DPYSL2: variants seen among roughly 807,000 people sequenced by gnomAD.
The protein encoded by DPYSL2 is dihydropyrimidinase like 2.
A neutral mutation model predicts 69.9 loss-of-function variants in DPYSL2; 13 were observed. That is an observed-to-expected ratio of 0.19 (90% confidence interval 0.12 to 0.30). The LOEUF is 0.30. Ranked by LOEUF, DPYSL2 falls within the 10% of genes least tolerant of loss-of-function variation. The probability of loss-of-function intolerance (pLI) is 1.00; values close to 1 mark genes in which losing one functional copy is unlikely to be tolerated. For synonymous variants in DPYSL2, 326 were observed against 359.1 expected (o/e 0.91, Z 1.04); for missense variants, 587 against 918.9 (o/e 0.64, Z 4.67).
chr8:26,558,454 G>T (rs1332756972), intron 1 of DPYSL2, among the ~76,000 whole-genome samples: 1 of 152,162 alleles, frequency 6.6e-6, no homozygotes, highest in African/African-American at 2.4e-5. Flanking sequence ...AGCAATAGTA[G>T]GTAGAGCACA....
chr8:26,520,775 A>G lies in DPYSL2; in HGVS notation c.354+6096A>G, dbSNP rs1808372419. Among the ~76,000 whole-genome samples, 6 of 152,152 alleles carry G rather than the reference A, an allele frequency of 3.9e-5. No homozygotes were observed. In the South Asian group the frequency reaches 1.2e-3, roughly 31 times the overall value. The stretch of plus-strand genomic sequence containing the variant: ...CTTGAACAAGAAACATTTATTTCTC[A>G]TGGTTCTGGAGGTTGGGAAGTCTAA... On this transcript the variant is annotated intron_variant, in intron 1 of 13. Transcript: ENST00000521913.
Position 26,621,349 on chromosome 8 carries a change from A to G in DPYSL2, c.629-2794A>G, listed in dbSNP as rs1802478015. ...TGCTCATTCCCTTTGCTGGCCAGTG[A>G]AAGGAATGCATTTCCATAAGTGAGG... On this transcript the variant is annotated intron_variant, in intron 3 of 13. Coordinates refer to ENST00000521913, the MANE Select transcript of DPYSL2 (RefSeq NM_001197293.3). The surrounding 1 kb of genome is among the most constrained non-coding windows in gnomAD (Gnocchi z 4.9). Among the ~76,000 whole-genome samples, 1 of 152,178 alleles carries G rather than the reference A, an allele frequency of 6.6e-6. No homozygotes were observed. Among genetic ancestry groups the G allele is most frequent in the Admixed American group, 6.5e-5 (1 of 15,276 alleles).
chr8:26,546,921 CAAAAAAAAAAAAA>C (rs61360009), intron 1 of DPYSL2, among the ~76,000 whole-genome samples: 35 of 46,208 alleles, frequency 7.6e-4, no homozygotes, highest in African/African-American at 2.1e-3. Flanking sequence ...GACTCAGTCT[CAAAAAAAAAAAAA>C]AAAAAAAAAA....
chr8:26,539,745 T>G (rs1336541061), intron 1 of DPYSL2, among the ~76,000 whole-genome samples: 1 of 152,082 alleles, frequency 6.6e-6, no homozygotes, highest in Non-Finnish European at 1.5e-5. Context: ...CCATGGAAAC[T>G]ACACCACCAT....
At chr8:26,634,662 G>C in intron 7 of DPYSL2, 118 bp from the exon 8 acceptor site, 1 of 1,549,462 alleles carries the variant, frequency 6.5e-7, no homozygotes, top group Non-Finnish European at 8.8e-7. Context: ...CCCTGGGGTA[G>C]GACCTTGGAG....
intron 1 of DPYSL2, among the ~76,000 whole-genome samples, chr8:26,551,111 T>C (rs1280025741): frequency 6.6e-6 from 1 of 152,170 alleles, no homozygotes; most frequent in Non-Finnish European, 1.5e-5. Flanking sequence ...CCAATTATTC[T>C]AATCAAAAGC....
chr8:26,635,089 G>A (rs763852078), intron 8 of DPYSL2, among the ~76,000 whole-genome samples, 189 bp downstream of exon 8: 1 of 152,232 alleles, frequency 6.6e-6, no homozygotes, highest in Middle Eastern at 3.2e-3. Context: ...CCACTGCTGC[G>A]GCCTTGTTAG....
chr8:26,634,523 C>G (rs1434330386), intron 7 of DPYSL2, among the ~76,000 whole-genome samples: 1 of 148,438 alleles, frequency 6.7e-6, no homozygotes, highest in Non-Finnish European at 1.5e-5. Flanking sequence ...CTCAGGTAAT[C>G]CACCTGCCTC....
At chr8:26,613,057 C>T (rs182060220) in intron 3 of DPYSL2, among the ~76,000 whole-genome samples, 3 of 152,282 alleles carry the variant, frequency 2.0e-5, no homozygotes, top group East Asian at 1.9e-4. Flanking sequence ...TAAATGCAAA[C>T]GTGTAGGAAA....
At position 26,621,081 on chromosome 8, in the gene DPYSL2, C is replaced by G. The variant is rs575132880; in HGVS notation, c.629-3062C>G. Among the ~76,000 whole-genome samples, 2 of 152,114 alleles carry G rather than the reference C, an allele frequency of 1.3e-5. No individual in the cohort carries two copies. The highest frequency in any genetic ancestry group is 4.8e-5 in the African/African-American group (2 of 41,502). ...TACTCTTTCTGGTTTATCACATTTT[C>G]TTGTATTTTATGTATCTCTATAAAC... On this transcript the variant is annotated intron_variant, in intron 3 of 13. Transcript: ENST00000521913. The surrounding 1 kb of genome is among the most constrained non-coding windows in gnomAD (Gnocchi z 4.9).
chr8:26,602,827 G>A (rs955844679), intron 3 of DPYSL2, among the ~76,000 whole-genome samples: 2 of 152,212 alleles, frequency 1.3e-5, no homozygotes, highest in African/African-American at 2.4e-5. Context: ...GAAGATTGCT[G>A]TACTAAGGTT....
chr8:26,565,291 C>G lies in DPYSL2; in HGVS notation c.355-16678C>G, dbSNP rs368197934. Among the ~76,000 whole-genome samples, 1 of 152,134 alleles carries G rather than the reference C, an allele frequency of 6.6e-6. No homozygotes were observed. Among genetic ancestry groups the G allele is most frequent in the Non-Finnish European group, 1.5e-5 (1 of 68,036 alleles). ...TATCATGACTTCTTTTTGTCCCAAT[C>G]TTTAATGCAGTATGAGTGTTCTGTG... is the stretch of plus-strand genomic sequence containing the variant. On this transcript the variant is annotated intron_variant, in intron 1 of 13. Coordinates refer to ENST00000521913, the MANE Select transcript of DPYSL2 (RefSeq NM_001197293.3). The surrounding 1 kb of genome is among the most constrained non-coding windows in gnomAD (Gnocchi z 4.1).
chr8:26,646,540 C>A (rs542333053), intron 10 of DPYSL2, among the ~76,000 whole-genome samples: 4 of 152,180 alleles, frequency 2.6e-5, no homozygotes, highest in Non-Finnish European at 4.4e-5. Flanking sequence ...TGCTTAGTGG[C>A]CATTTGTACT....
chr8:26,592,489 T>A (rs973321373), intron 3 of DPYSL2, among the ~76,000 whole-genome samples: 3 of 125,438 alleles, frequency 2.4e-5, no homozygotes, highest in Non-Finnish European at 3.6e-5. Flanking sequence ...TTTTTTTTTT[T>A]ATTAAGACGG....
At position 26,565,252 on chromosome 8, in the gene DPYSL2, A is replaced by C. The variant is rs898242076; in HGVS notation, c.355-16717A>C. On this transcript the variant is annotated intron_variant, in intron 1 of 13. Transcript: ENST00000521913. The surrounding 1 kb of genome is among the most constrained non-coding windows in gnomAD (Gnocchi z 4.1). The stretch of plus-strand genomic sequence containing the variant: ...TGTGCTGCAATAAACATAGGAGTGC[A>C]GGTGTCTTTTTGATATCATGACTTC... Among the ~76,000 whole-genome samples the C allele has an allele frequency of 2.6e-5, 3 of 114,398 alleles. No homozygotes were observed. In the Admixed American group the frequency reaches 2.8e-4, roughly 11 times the overall value. The allele number at this position is 114,398 out of a possible 152,430, so 75.0% of individuals were successfully genotyped here. A position where few individuals can be genotyped will look rare whatever the true frequency, so the allele number is the denominator to read the frequency against.
In DPYSL2 at chr8:26,655,835, C is replaced by T. The variant is rs1456705878; in HGVS notation, c.*129C>T. 2 of 920,812 alleles carry T rather than the reference C, an allele frequency of 2.2e-6. No individual in the cohort carries two copies. Among genetic ancestry groups the T allele is most frequent in the Non-Finnish European group, 1.5e-6 (1 of 658,328 alleles). The allele number at this position is 920,812 out of a possible 1,614,324, so 57.0% of individuals were successfully genotyped here. On this transcript the variant is annotated 3_prime_UTR_variant, in exon 14 of 14. Coordinates refer to ENST00000521913, the MANE Select transcript of DPYSL2 (RefSeq NM_001197293.3). The stretch of plus-strand genomic sequence containing the variant: ...AGAGCCTGTGATAGTTACTGTGGAG[C>T]AGCCAGTTCATGGGGTCCCCCTTGG...
At chr8:26,583,580 C>A (rs1801534688) in intron 2 of DPYSL2, among the ~76,000 whole-genome samples, 1 of 152,068 alleles carries the variant, frequency 6.6e-6, no homozygotes, top group Non-Finnish European at 1.5e-5. Flanking sequence ...TTGAGTGGGG[C>A]CTCTGGTGCC....
chr8:26,634,762 T>G lies in DPYSL2; in HGVS notation c.1006-18T>G. The G allele has an allele frequency of 6.2e-7, 1 of 1,614,028 alleles. No homozygotes were observed. The highest frequency in any genetic ancestry group is 8.5e-7 in the Non-Finnish European group (1 of 1,179,972). On this transcript the variant is annotated intron_variant, in intron 7 of 13. Coordinates refer to ENST00000521913, the MANE Select transcript of DPYSL2 (RefSeq NM_001197293.3). Reference sequence around the variant, plus strand: ...GGTGGGCTGAGCCACATTCTCATGCTCTGCTGCTGTTTTGCAGGTCGAGGC... The same window carrying G: ...GGTGGGCTGAGCCACATTCTCATGCGCTGCTGCTGTTTTGCAGGTCGAGGC...
intron 3 of DPYSL2, among the ~76,000 whole-genome samples, chr8:26,622,994 G>A (rs1802532717): frequency 6.6e-6 from 1 of 152,182 alleles, no homozygotes; most frequent in Non-Finnish European, 1.5e-5. Context: ...TGTTGCACAA[G>A]TTTGATTTGA....
Sources: allele counts gnomAD v4.1 joint callset (sites outside exome capture counted in the v4.1 genomes callset), GRCh38; gene constraint gnomAD v4.1.1; non-coding constraint Gnocchi (gnomAD v3.1); transcripts MANE v1.5; gene names NCBI Gene and HGNC (gene_info 2026-07-23, HGNC 2026-07-21).